The following DCAF6 variants were observed in gnomAD, a reference collection of about 807,000 sequenced individuals.
DCAF6 encodes the protein DDB1- and CUL4-associated factor 6.
DCAF6 carries 54 observed loss-of-function variants against 125.1 expected under a neutral mutation model. That is an observed-to-expected ratio of 0.43 (90% CI 0.35 to 0.54). The LOEUF (loss-of-function observed/expected upper bound fraction) is 0.54. Among genes scored for constraint, DCAF6 ranks in the 20% least tolerant of loss-of-function variants. DCAF6 has a pLI of 0.01. For missense variants in DCAF6, 934 were observed against 1,161.7 expected (o/e 0.80, Z 2.85); for synonymous variants, 371 against 390.4 (o/e 0.95, Z 0.58).
the DCAF6 span, among the ~76,000 whole-genome samples, chr1:167,907,359 C>T: frequency 2.7e-4 from 41 of 152,290 alleles, no homozygotes; most frequent in African/African-American, 7.9e-4. Flanking sequence ...AGGCTTATTT[C>T]TTGTTCATTT....
the DCAF6 span, among the ~76,000 whole-genome samples, chr1:167,922,033 T>A: frequency 6.6e-6 from 1 of 152,214 alleles, no homozygotes; most frequent in Non-Finnish European, 1.5e-5. Context: ...CTTCATGTTA[T>A]AGAACATATG....
chr1:167,913,276 C>T, the DCAF6 span, among the ~76,000 whole-genome samples: 2 of 152,114 alleles, frequency 1.3e-5, no homozygotes, highest in African/African-American at 4.8e-5. Context: ...CAGTAGTACC[C>T]AAAAATGAAA....
At chr1:167,881,628 C>T in the DCAF6 span, among the ~76,000 whole-genome samples, 1 of 152,202 alleles carries the variant, frequency 6.6e-6, no homozygotes, top group South Asian at 2.1e-4. Context: ...TTATTGCACA[C>T]TGACTCTAAG....
At chr1:168,018,829 G>T (rs1002226590) in intron 11 of DCAF6, among the ~76,000 whole-genome samples, 1 of 151,960 alleles carries the variant, frequency 6.6e-6, no homozygotes, top group African/African-American at 2.4e-5. Context: ...TCAGTGCCTG[G>T]GAATTAGATT....
chr1:168,038,762 G>A (rs755348752), intron 13 of DCAF6, among the ~76,000 whole-genome samples: 36 of 152,034 alleles, frequency 2.4e-4, no homozygotes, highest in Middle Eastern at 3.4e-3. Context: ...TATTTCTTCT[G>A]ATAGAAAATG....
chr1:168,058,438 T>C (rs1445954090), intron 17 of DCAF6, among the ~76,000 whole-genome samples: 1 of 152,270 alleles, frequency 6.6e-6, no homozygotes, highest in African/African-American at 2.4e-5. Context: ...TCACTGATTC[T>C]TGTTGTCACA....
chr1:167,982,399 G>A (rs991913943), intron 4 of DCAF6, among the ~76,000 whole-genome samples: 3 of 151,832 alleles, frequency 2.0e-5, no homozygotes, highest in African/African-American at 7.3e-5. Flanking sequence ...ATGCAACCAC[G>A]CCCAGCTAAT....
intron 11 of DCAF6, among the ~76,000 whole-genome samples, chr1:168,022,478 T>C (rs1185565393): frequency 6.6e-6 from 1 of 152,232 alleles, no homozygotes; most frequent in Non-Finnish European, 1.5e-5. Context: ...AATTACCTCA[T>C]TGAATATTTT....
chr1:167,875,259 T>C, the DCAF6 span: 1 of 1,482,496 alleles, frequency 6.7e-7, no homozygotes, highest in South Asian at 1.1e-5. Flanking sequence ...TGATTAGTTC[T>C]TAGTTCCCAG....
At chr1:167,997,901 A>T (rs1681981477) in intron 7 of DCAF6, among the ~76,000 whole-genome samples, 1 of 152,166 alleles carries the variant, frequency 6.6e-6, no homozygotes, top group African/African-American at 2.4e-5. Flanking sequence ...ATAAGGAGAT[A>T]CTCAACGTTA....
At chr1:167,925,888 T>TA in the DCAF6 span, among the ~76,000 whole-genome samples, 2 of 152,234 alleles carry the variant, frequency 1.3e-5, no homozygotes, top group East Asian at 3.8e-4. Context: ...AAGTTGTTTT[T>TA]ATCAGCCTGA....
At chr1:167,948,134 C>CTTTTT (rs34716266) in intron 1 of DCAF6, among the ~76,000 whole-genome samples, 1 of 132,844 alleles carries the variant, frequency 7.5e-6, no homozygotes. Flanking sequence ...TTTCTTAGTC[C>CTTTTT]TTTTTTTTTT....
At chr1:167,991,484 T>A (rs981482476) in intron 6 of DCAF6, 145 bp downstream of exon 6, 4 of 833,404 alleles carry the variant, frequency 4.8e-6, no homozygotes, top group Admixed American at 7.5e-5. Context: ...AAAAATAACA[T>A]TTCACCAAGT....
chr1:167,960,058 ATTTTAT>A (rs971809404), intron 2 of DCAF6, among the ~76,000 whole-genome samples: 5 of 151,810 alleles, frequency 3.3e-5, no homozygotes, highest in East Asian at 3.9e-4. Context: ...ATGTGTCTAG[ATTTTAT>A]TTTTATTTTT....
At chr1:168,059,478 A>G (rs1398066778) in intron 17 of DCAF6, among the ~76,000 whole-genome samples, 7 of 152,150 alleles carry the variant, frequency 4.6e-5, no homozygotes, top group Admixed American at 2.6e-4. Context: ...TCATTTTTAG[A>G]AGGATCTTGG....
At chr1:167,938,430 G>A (rs1290473003) in intron 1 of DCAF6, among the ~76,000 whole-genome samples, 1 of 152,096 alleles carries the variant, frequency 6.6e-6, no homozygotes. Context: ...GTACCATAGG[G>A]TACTCAACCT....
At chr1:167,912,923 T>C in the DCAF6 span, among the ~76,000 whole-genome samples, 1 of 152,250 alleles carries the variant, frequency 6.6e-6, no homozygotes, top group Non-Finnish European at 1.5e-5. Context: ...AAAGCTGGAA[T>C]ATCCAGGTCT....
chr1:168,068,334 T>G (rs533832092), intron 20 of DCAF6, 24 bp from the exon 21 acceptor site: 38 of 1,529,020 alleles, frequency 2.5e-5, no homozygotes, highest in South Asian at 2.5e-4. Context: ...TGATCTTTGA[T>G]ACGATTTTTA....
chr1:168,042,886 C>A, intron 13 of DCAF6, 139 bp from the exon 14 acceptor site: 1 of 571,362 alleles, frequency 1.8e-6, no homozygotes, highest in Non-Finnish European at 3.1e-6. Context: ...ATGATGTTTA[C>A]AAATGCTATT....
Sources: allele counts gnomAD v4.1 joint callset (sites outside exome capture counted in the v4.1 genomes callset), GRCh38; gene constraint gnomAD v4.1.1; transcripts MANE v1.5; gene names NCBI Gene and HGNC (gene_info 2026-07-23, HGNC 2026-07-21).